The following KLHL13 variants were observed in gnomAD, a reference collection of about 807,000 sequenced individuals.
KLHL13 encodes kelch-like protein 13.
In KLHL13, 10 loss-of-function variants were observed where a neutral mutation model predicts 37.1. The observed-to-expected ratio is 0.27, with a 90% CI of 0.17 to 0.46. The LOEUF (loss-of-function observed/expected upper bound fraction) is 0.46. Among genes scored for constraint, KLHL13 ranks in the 20% least tolerant of loss-of-function variants. KLHL13 has a pLI of 1.00. For synonymous variants in KLHL13, 163 were observed against 181.2 expected (o/e 0.90, Z 0.81); for missense variants, 360 against 509.3 (o/e 0.71, Z 2.82).
At chrX:118,028,315 A>C in intron 1 of KLHL13, 109 bp downstream of exon 2, 1 of 471,724 alleles carries the variant, frequency 2.1e-6, no homozygotes, top group East Asian at 3.8e-5. Context: ...TCATACAGTA[A>C]ATACTTACTT....
chrX:117,921,152 TAGA>T (rs2147698815), intron 2 of KLHL13, among the ~76,000 whole-genome samples: 1 of 111,978 alleles, frequency 8.9e-6, no homozygotes, highest in African/African-American at 3.2e-5. Flanking sequence ...TAACGACAAA[TAGA>T]CAGTTGTTCT....
intron 1 of KLHL13, among the ~76,000 whole-genome samples, chrX:118,091,019 A>G (rs1358546026): frequency 9.4e-6 from 1 of 106,111 alleles, no homozygotes; most frequent in Non-Finnish European, 1.9e-5. Flanking sequence ...TCAGCAAACT[A>G]TCGCAAGGAC....
intron 1 of KLHL13, among the ~76,000 whole-genome samples, chrX:118,007,286 G>A (rs1036068096): frequency 2.9e-5 from 3 of 103,867 alleles, no homozygotes; most frequent in African/African-American, 7.0e-5. Context: ...GTGTGCACCC[G>A]TAGTCCCAGC....
chrX:117,927,869 C>T (rs1457573895), intron 2 of KLHL13, among the ~76,000 whole-genome samples: 1 of 111,239 alleles, frequency 9.0e-6, no homozygotes, highest in Non-Finnish European at 1.9e-5. Context: ...AGGGAGTATG[C>T]TGAGGTCATG....
chrX:118,074,318 A>G (rs1274004153), intron 1 of KLHL13, among the ~76,000 whole-genome samples: 1 of 111,951 alleles, frequency 8.9e-6, no homozygotes, highest in Non-Finnish European at 1.9e-5. Context: ...CTTTTAATGC[A>G]TATTTATGAG....
intron 1 of KLHL13, among the ~76,000 whole-genome samples, chrX:118,100,391 G>A (rs1305766655): frequency 9.0e-6 from 1 of 111,411 alleles, no homozygotes; most frequent in Non-Finnish European, 1.9e-5. Flanking sequence ...TAATACATAT[G>A]CAATACTAAT....
intron 1 of KLHL13, among the ~76,000 whole-genome samples, chrX:118,045,847 T>C (rs1267194408): frequency 1.8e-5 from 2 of 111,415 alleles, no homozygotes; most frequent in Non-Finnish European, 3.8e-5. Context: ...TGAGATATCA[T>C]CTCATCTCAG....
intron 1 of KLHL13, among the ~76,000 whole-genome samples, chrX:118,013,191 C>T (rs2054090120): frequency 9.0e-6 from 1 of 111,684 alleles, no homozygotes; most frequent in East Asian, 2.8e-4. Flanking sequence ...AGGAAAATAT[C>T]TAATAGTTGG....
At chrX:117,942,732 T>C (rs1459388768) in intron 2 of KLHL13, among the ~76,000 whole-genome samples, 1 of 111,501 alleles carries the variant, frequency 9.0e-6, no homozygotes, top group African/African-American at 3.3e-5. Flanking sequence ...TCTTTGCATG[T>C]GAGATGGGTC....
At chrX:117,919,798 A>C in intron 3 of KLHL13, 81 bp from the exon 5 acceptor site, 1 of 700,237 alleles carries the variant, frequency 1.4e-6, no homozygotes, top group Non-Finnish European at 2.2e-6. Flanking sequence ...GATGCAATAA[A>C]ATCAAAGGAA....
rs1033597491 is a variant in KLHL13 at position 117,999,288 on chromosome X, C to T, written c.-55-53713G>A. Among the ~76,000 whole-genome samples, 3 of 111,251 alleles carry T rather than the reference C, an allele frequency of 2.7e-5. No individual in the cohort carries two copies. The South Asian group carries it at 1.1e-3, about 42-fold the overall frequency. ...ACTCACAATAGCAAAGACTTGGAAC[C>T]AACCCAAATGTCCAACAATGAGAGA... On this transcript the variant is annotated intron_variant, in intron 1 of 6. Transcript: ENST00000371882.
chrX:118,033,090 G>T (rs190516151), intron 1 of KLHL13, among the ~76,000 whole-genome samples: 1 of 111,390 alleles, frequency 9.0e-6, no homozygotes, highest in Admixed American at 9.5e-5. Flanking sequence ...GTAGGACTAT[G>T]TGAAAAGACC....
At chrX:117,963,557 A>C (rs1307238445) in intron 1 of KLHL13, among the ~76,000 whole-genome samples, 1 of 107,386 alleles carries the variant, frequency 9.3e-6, no homozygotes, top group African/African-American at 3.4e-5. Flanking sequence ...TAGCAGCATG[A>C]TTTATAGTCC....
intron 2 of KLHL13, among the ~76,000 whole-genome samples, chrX:117,924,261 T>C (rs935617875): frequency 1.8e-5 from 2 of 112,214 alleles, no homozygotes; most frequent in Admixed American, 9.4e-5. Context: ...ACTATACACA[T>C]TGTTGTGTAC....
chrX:117,903,617 T>TTC (rs755944247), intron 5 of KLHL13, among the ~76,000 whole-genome samples: 44 of 109,430 alleles, frequency 4.0e-4, no homozygotes, highest in South Asian at 3.5e-3. Flanking sequence ...TACATTATTA[T>TTC]TCTCTCTCTC....
chrX:118,050,256 C>T (rs1330078146), intron 1 of KLHL13, among the ~76,000 whole-genome samples: 1 of 111,854 alleles, frequency 8.9e-6, no homozygotes, highest in East Asian at 2.8e-4. Flanking sequence ...TTTAGGAATG[C>T]CTTTGAGGTA....
chrX:118,025,438 T>C (rs943707016), intron 1 of KLHL13, among the ~76,000 whole-genome samples: 1 of 111,793 alleles, frequency 8.9e-6, no homozygotes, highest in African/African-American at 3.3e-5. Flanking sequence ...TTGTCCAGCA[T>C]CCTTGCCGTA....
At chrX:118,011,597 T>A (rs1465883973) in intron 1 of KLHL13, among the ~76,000 whole-genome samples, 3 of 110,608 alleles carry the variant, frequency 2.7e-5, no homozygotes, top group African/African-American at 9.9e-5. Context: ...GAGAAATAAT[T>A]GGGAAGGAGA....
At chrX:117,945,550 G>A in exon 2 of KLHL13, 1 of 1,206,475 alleles carries the variant, frequency 8.3e-7, no homozygotes, top group South Asian at 1.8e-5. Context: ...AATTTCATGT[G>A]TTGGTCTTCC....
Sources: allele counts gnomAD v4.1 joint callset (sites outside exome capture counted in the v4.1 genomes callset), GRCh38; gene constraint gnomAD v4.1.1; transcripts MANE v1.5; gene names NCBI Gene and HGNC (gene_info 2026-07-23, HGNC 2026-07-21).